The following DIP2C variants were observed in gnomAD, a reference collection of about 807,000 sequenced individuals.
The protein encoded by DIP2C is DIP2 acetate--CoA ligase C (putative).
In DIP2C, 33 loss-of-function variants were observed where a neutral mutation model predicts 192.4. That is an observed-to-expected ratio of 0.17 (90% CI 0.13 to 0.23). The LOEUF is 0.23. Among genes scored for constraint, DIP2C ranks in the 10% least tolerant of loss-of-function variants. DIP2C has a pLI of 1.00. For missense variants in DIP2C, 1,537 were observed against 2,110.1 expected (o/e 0.73, Z 5.32); for synonymous variants, 979 against 864.1 (o/e 1.13, Z -2.33).
chr10:567,944 A>G (rs1849547222), intron 1 of DIP2C, among the ~76,000 whole-genome samples: 1 of 152,200 alleles, frequency 6.6e-6, no homozygotes, highest in Non-Finnish European at 1.5e-5. Context: ...AGTGTTTGAT[A>G]GAGGCTGAGG....
At chr10:621,220 C>A (rs1227984629) in intron 1 of DIP2C, among the ~76,000 whole-genome samples, 1 of 152,184 alleles carries the variant, frequency 6.6e-6, no homozygotes. Context: ...CCCAGGTGTG[C>A]ACACACCTTC....
At chr10:469,441 G>C (rs999405120) in intron 3 of DIP2C, among the ~76,000 whole-genome samples, 1 of 151,556 alleles carries the variant, frequency 6.6e-6, no homozygotes, top group South Asian at 2.1e-4. Flanking sequence ...CTCAGCCTCT[G>C]GAATAGCTGG....
At chr10:320,735 A>G (rs1455194686) in intron 31 of DIP2C, among the ~76,000 whole-genome samples, 1 of 152,224 alleles carries the variant, frequency 6.6e-6, no homozygotes, top group African/African-American at 2.4e-5. Flanking sequence ...CCTAGGCAAC[A>G]TAGTGAGACC....
chr10:585,543 T>C (rs1316203077), intron 1 of DIP2C, among the ~76,000 whole-genome samples: 1 of 152,152 alleles, frequency 6.6e-6, no homozygotes, highest in Non-Finnish European at 1.5e-5. Context: ...ATCCTGAAGC[T>C]CCAACACTCA....
chr10:476,067 G>C (rs928291353), intron 2 of DIP2C, among the ~76,000 whole-genome samples: 8 of 152,222 alleles, frequency 5.3e-5, no homozygotes, highest in African/African-American at 1.7e-4. Context: ...AGCATCACAG[G>C]AAGACTAGAA....
chr10:477,880 G>A (rs368520332), intron 2 of DIP2C, among the ~76,000 whole-genome samples: 21 of 130,712 alleles, frequency 1.6e-4, no homozygotes, highest in South Asian at 8.5e-4. Flanking sequence ...AGAAGAAAAC[G>A]AGAGAGAAGA....
At chr10:349,521 A>G in intron 24 of DIP2C, 67 bp from the exon 25 acceptor site, 2 of 1,558,444 alleles carry the variant, frequency 1.3e-6, no homozygotes, top group South Asian at 2.3e-5. Flanking sequence ...GAGAGCGCGC[A>G]CGCGTCATAC....
chr10:681,424 A>C (rs186207952), intron 1 of DIP2C, among the ~76,000 whole-genome samples: 1 of 150,632 alleles, frequency 6.6e-6, no homozygotes, highest in Non-Finnish European at 1.5e-5. Context: ...GCAGACCCTC[A>C]GTCACATGGT....
At chr10:637,054 C>T (rs941291950) in intron 1 of DIP2C, among the ~76,000 whole-genome samples, 1 of 152,370 alleles carries the variant, frequency 6.6e-6, no homozygotes, top group Admixed American at 6.5e-5. Context: ...ACTGCACAGG[C>T]GTGGGGCAAG....
intron 1 of DIP2C, among the ~76,000 whole-genome samples, chr10:552,154 T>TA (rs1848626815): frequency 6.6e-6 from 1 of 152,238 alleles, no homozygotes; most frequent in South Asian, 2.1e-4. Flanking sequence ...ATGGCAGCTC[T>TA]ACCAAGACCA....
chr10:340,835 G>A (rs914603954), intron 29 of DIP2C: 2 of 462,428 alleles, frequency 4.3e-6, no homozygotes, highest in African/African-American at 2.0e-5. Context: ...GCCTGAGGGA[G>A]GTGACAGCCT....
chr10:672,294 C>T (rs925180343), intron 1 of DIP2C, among the ~76,000 whole-genome samples: 2 of 149,892 alleles, frequency 1.3e-5, no homozygotes, highest in African/African-American at 4.9e-5. Context: ...ACAGGCCACA[C>T]ACGCACGCAT....
rs1407311991 is a variant in DIP2C, at chr10:363,980, T to C, written c.2477+394A>G. 2.0e-5 allele frequency among the ~76,000 whole-genome samples: 3 copies of C among 152,154 alleles called. No individual in the cohort carries two copies. Among genetic ancestry groups the C allele is most frequent in the Admixed American group, 1.3e-4 (2 of 15,274 alleles). ...GGCAAGGCAGGGAGAAGAAAACTGG[T>C]AGAGCGGGGAGGTGGCGAGCGTCTG... On this transcript the variant is annotated intron_variant, in intron 20 of 36. Coordinates refer to ENST00000280886, the MANE Select transcript of DIP2C (RefSeq NM_014974.3). This position sits in a 1 kb window ranked among gnomAD's most constrained non-coding sequence, Gnocchi z 5.4.
intron 34 of DIP2C, 128 bp from the exon 35 acceptor site, chr10:283,574 C>A: frequency 8.7e-7 from 1 of 1,147,612 alleles, no homozygotes; most frequent in Non-Finnish European, 1.2e-6. Context: ...ACTGAATAAC[C>A]AAGATGATGT....
chr10:541,001 TGCTGGGGAGCCACAACAC>T (rs1847952451), intron 1 of DIP2C, among the ~76,000 whole-genome samples: 1 of 146,474 alleles, frequency 6.8e-6, no homozygotes, highest in Non-Finnish European at 1.5e-5. Context: ...CAACACCCGA[TGCTGGGGAGCCACAACAC>T]CCGATGCTGG....
chr10:513,426 T>C (rs896778168), intron 1 of DIP2C, among the ~76,000 whole-genome samples: 1 of 152,238 alleles, frequency 6.6e-6, no homozygotes, highest in Admixed American at 6.5e-5. Context: ...ATCCACTGCA[T>C]GCTGCAGCCC....
rs575243711 is a variant in DIP2C, at chr10:673,679, A to AACCTGTATAACGCCACCGG, written c.85+15814_85+15815insCCGGTGGCGTTATACAGGT. Among the ~76,000 whole-genome samples the AACCTGTATAACGCCACCGG allele has an allele frequency of 1.5e-3, 233 of 152,298 alleles. 1 individual carries two copies. Among genetic ancestry groups the AACCTGTATAACGCCACCGG allele is most frequent in the Middle Eastern group, 3.4e-3 (1 of 294 alleles). Reference sequence around the variant, plus strand: ...ATTCCTGTACTCATGGGGCATGGGAAACCTGTATAACGCCACCAGAACGTC... The same window carrying AACCTGTATAACGCCACCGG: ...ATTCCTGTACTCATGGGGCATGGGAAACCTGTATAACGCCACCGGACCTGTATAACGCCACCAGAACGTC... On this transcript the variant is annotated intron_variant, in intron 1 of 36. Transcript: ENST00000280886.
chr10:366,772 CCT>C lies in DIP2C; in HGVS notation c.2132-363_2132-362del, dbSNP rs1379987526. On this transcript the variant is annotated intron_variant, in intron 18 of 36. Coordinates refer to ENST00000280886, the MANE Select transcript of DIP2C (RefSeq NM_014974.3). ...ACATCAGCAACGTGGTGCAACTTGACCTCTGCAAATCAAGCCTCTAATGTCTT... is the reference window on the plus strand; with the variant it reads ...ACATCAGCAACGTGGTGCAACTTGACCTGCAAATCAAGCCTCTAATGTCTT... Among the ~76,000 whole-genome samples the C allele has an allele frequency of 2.3e-4, 35 of 152,162 alleles. 1 individual carries two copies. The highest frequency in any genetic ancestry group is 2.2e-3 in the Admixed American group (33 of 15,262).
chr10:491,071 C>A (rs1246933171), intron 1 of DIP2C, among the ~76,000 whole-genome samples: 2 of 141,406 alleles, frequency 1.4e-5, no homozygotes, highest in Non-Finnish European at 3.0e-5. Flanking sequence ...CAGACAGACA[C>A]CCGGCCCTTG....
Sources: gnomAD v4.1 joint callset for allele counts (sites outside exome capture counted in the v4.1 genomes callset) on GRCh38, gnomAD v4.1.1 for gene constraint, Gnocchi (gnomAD v3.1) non-coding constraint, MANE v1.5 for transcripts, NCBI Gene and HGNC (gene_info 2026-07-23, HGNC 2026-07-21) for gene names.